The following CSMD1 variants were observed in gnomAD, a reference collection of about 807,000 sequenced individuals.
The protein encoded by CSMD1 is CUB and sushi domain-containing protein 1.
A neutral mutation model predicts 417.5 loss-of-function variants in CSMD1; 213 were observed. The observed-to-expected ratio is 0.51, with a 90% CI of 0.46 to 0.57. The LOEUF is 0.57. CSMD1 is among the 20% of genes least tolerant of loss of function. The pLI is 0.00. For missense variants in CSMD1, 6,923 were observed against 4,529.7 expected (o/e 1.53, Z -15.17); for synonymous variants, 2,862 against 1,736.8 (o/e 1.65, Z -16.11).
chr8:4,685,388 A>G (rs1476589723), intron 1 of CSMD1, among the ~76,000 whole-genome samples: 5 of 152,200 alleles, frequency 3.3e-5, no homozygotes, highest in African/African-American at 1.2e-4. Context: ...AGCCTGGCCA[A>G]CATGGCAAAA....
chr8:4,364,951 G>C (rs531169513), intron 3 of CSMD1, among the ~76,000 whole-genome samples: 1 of 150,532 alleles, frequency 6.6e-6, no homozygotes. Flanking sequence ...CGACAAAAAC[G>C]TGCAAGGGAT....
At chr8:4,564,450 C>T (rs1386985038) in intron 2 of CSMD1, among the ~76,000 whole-genome samples, 1 of 152,130 alleles carries the variant, frequency 6.6e-6, no homozygotes, top group Non-Finnish European at 1.5e-5. Context: ...GATCTAGTGT[C>T]TGGTGAGGGG....
intron 1 of CSMD1, among the ~76,000 whole-genome samples, chr8:4,965,588 G>C (rs148731982): frequency 6.6e-6 from 1 of 152,164 alleles, no homozygotes; most frequent in Non-Finnish European, 1.5e-5. Flanking sequence ...CTTTATAAAT[G>C]AAAGAACTGG....
intron 4 of CSMD1, among the ~76,000 whole-genome samples, chr8:4,021,071 G>A (rs985635476): frequency 2.6e-5 from 4 of 152,166 alleles, no homozygotes; most frequent in Non-Finnish European, 5.9e-5. Flanking sequence ...AGCTCTACAA[G>A]CATTAGCAAT....
intron 1 of CSMD1, among the ~76,000 whole-genome samples, chr8:4,970,048 A>G (rs1221978339): frequency 6.6e-6 from 1 of 152,156 alleles, no homozygotes; most frequent in East Asian, 1.9e-4. Flanking sequence ...TGAATGTCCA[A>G]TAATAGCACA....
At chr8:4,578,589 G>T (rs1297781009) in intron 2 of CSMD1, among the ~76,000 whole-genome samples, 1 of 151,144 alleles carries the variant, frequency 6.6e-6, no homozygotes, top group Non-Finnish European at 1.5e-5. Context: ...GGCCAAGGTG[G>T]GCGGTTCACG....
chr8:4,364,824 C>CAAAAAAAAAAAAA lies in CSMD1; in HGVS notation c.415+55116_415+55128dup. Among the ~76,000 whole-genome samples, 11 of 84,918 alleles carry CAAAAAAAAAAAAA rather than the reference C, an allele frequency of 1.3e-4. 5 individuals are homozygous for CAAAAAAAAAAAAA. The highest frequency in any genetic ancestry group is 2.7e-4 in the Admixed American group (2 of 7,282). 55.7% of individuals were successfully genotyped at this position (84,918 alleles called of 152,430 possible). A position where few individuals can be genotyped will look rare whatever the true frequency, so the allele number is the denominator to read the frequency against. On this transcript the variant is annotated intron_variant, in intron 3 of 69. Transcript: ENST00000635120. ...TGCGCGACAGAGCGAGACTCCTTCT[C>CAAAAAAAAAAAAA]AAAAAAAAAAAAAAAAAAAAAAAAA...
intron 1 of CSMD1, among the ~76,000 whole-genome samples, chr8:4,907,367 T>A (rs919617710): frequency 6.6e-6 from 1 of 152,176 alleles, no homozygotes; most frequent in Non-Finnish European, 1.5e-5. Context: ...GGCTCCTAAA[T>A]GAGAAGGTCC....
chr8:3,233,262 C>T (rs547623634), intron 26 of CSMD1, among the ~76,000 whole-genome samples: 12 of 152,036 alleles, frequency 7.9e-5, no homozygotes, highest in Admixed American at 3.9e-4. Context: ...AGTGGATTAA[C>T]GGATTTATGG....
At chr8:4,768,578 G>C (rs779396080) in intron 1 of CSMD1, among the ~76,000 whole-genome samples, 5 of 152,156 alleles carry the variant, frequency 3.3e-5, no homozygotes, top group Admixed American at 1.3e-4. Context: ...GATTGCACGA[G>C]CTCAGAGCTG....
intron 3 of CSMD1, among the ~76,000 whole-genome samples, chr8:4,104,776 G>A (rs1240148954): frequency 6.6e-6 from 1 of 152,142 alleles, no homozygotes; most frequent in African/African-American, 2.4e-5. Context: ...CGTTTCCCAG[G>A]AACTGCTGGC....
intron 9 of CSMD1, 123 bp from the exon 10 acceptor site, chr8:3,575,189 G>T: frequency 1.2e-6 from 1 of 817,098 alleles, no homozygotes; most frequent in African/African-American, 1.8e-5. Context: ...AAAAAAAAAT[G>T]GTGCATGGAC....
At position 4,138,225 on chromosome 8, in the gene CSMD1, T is replaced by TTC. The variant is rs1427875043; in HGVS notation, c.416-106127_416-106126insGA. On this transcript the variant is annotated intron_variant, in intron 3 of 69. Coordinates refer to ENST00000635120, the MANE Select transcript of CSMD1 (RefSeq NM_033225.6). ...CTTACATTTTTTTTTTTTTTTTTTTTCAGGTCTCTAACTGATGGGTTTTCC... is the reference window on the plus strand; with the variant it reads ...CTTACATTTTTTTTTTTTTTTTTTTTTCCAGGTCTCTAACTGATGGGTTTTCC... Among the ~76,000 whole-genome samples, 55 of 133,730 alleles carry TTC rather than the reference T, an allele frequency of 4.1e-4. 1 individual carries two copies. Among genetic ancestry groups the TTC allele is most frequent in the African/African-American group, 1.4e-3 (53 of 38,148 alleles). 87.7% of individuals were successfully genotyped at this position (133,730 alleles called of 152,430 possible). A position where few individuals can be genotyped will look rare whatever the true frequency, so the allele number is the denominator to read the frequency against.
intron 7 of CSMD1, among the ~76,000 whole-genome samples, chr8:3,703,449 TTCATTCA>T (rs1800986939): frequency 6.8e-6 from 1 of 146,588 alleles, no homozygotes; most frequent in Non-Finnish European, 1.5e-5. Context: ...CATTCATTCA[TTCATTCA>T]TTCATTCATT....
intron 12 of CSMD1, among the ~76,000 whole-genome samples, chr8:3,449,673 A>G (rs550488959): frequency 1.5e-4 from 23 of 152,204 alleles, no homozygotes; most frequent in African/African-American, 5.3e-4. Flanking sequence ...GACTGCAACC[A>G]TGCCTGGCTA....
At chr8:3,249,545 A>G (rs1195947291) in intron 26 of CSMD1, among the ~76,000 whole-genome samples, 2 of 152,180 alleles carry the variant, frequency 1.3e-5, no homozygotes, top group African/African-American at 2.4e-5. Flanking sequence ...AGAAAATAAA[A>G]GCAAGTAACT....
chr8:4,879,518 G>T (rs772406240), intron 1 of CSMD1, among the ~76,000 whole-genome samples: 3 of 152,086 alleles, frequency 2.0e-5, no homozygotes, highest in Non-Finnish European at 4.4e-5. Flanking sequence ...ATAAGGGACA[G>T]AAATACATAA....
intron 42 of CSMD1, 76 bp from the exon 43 acceptor site, chr8:3,110,411 A>G: frequency 7.9e-7 from 1 of 1,266,650 alleles, no homozygotes; most frequent in South Asian, 1.7e-5. Context: ...TTTGACTCCA[A>G]AGTACCTTAG....
chr8:3,285,067 G>A (rs140057822), intron 25 of CSMD1, among the ~76,000 whole-genome samples: 43 of 152,264 alleles, frequency 2.8e-4, no homozygotes, highest in African/African-American at 9.6e-4. Context: ...ATTGAAGCAA[G>A]AAGGGTTTAG....
Sources: gnomAD v4.1 joint callset for allele counts (sites outside exome capture counted in the v4.1 genomes callset) on GRCh38, gnomAD v4.1.1 for gene constraint, MANE v1.5 for transcripts, NCBI Gene and HGNC (gene_info 2026-07-23, HGNC 2026-07-21) for gene names.